Variants in TUBGCP4 observed in about 807,000 individuals in gnomAD.
TUBGCP4 encodes the protein tubulin gamma complex component 4.
Under a neutral mutation model 91.6 loss-of-function variants are expected in TUBGCP4, and 54 were observed. That is an observed-to-expected ratio of 0.59 (90% CI 0.47 to 0.74). TUBGCP4 has a LOEUF of 0.74. TUBGCP4 is among the 30% of genes least tolerant of loss of function. The pLI is 0.00. For synonymous variants in TUBGCP4, 297 were observed against 302.8 expected (o/e 0.98, Z 0.20); for missense variants, 593 against 800.9 (o/e 0.74, Z 3.13).
chr15:43,400,111 G>C lies in TUBGCP4; in HGVS notation c.1486G>C (p.Ala496Pro). 1 of 1,614,182 alleles carries C rather than the reference G, an allele frequency of 6.2e-7. No individual in the cohort carries two copies. Among genetic ancestry groups the C allele is most frequent in the Non-Finnish European group, 8.5e-7 (1 of 1,180,028 alleles). Residue 496 changes from alanine (A) to proline (P), a missense_variant, in exon 14 of 18, where the codon GCC becomes CCC. Physicochemically the swap from Ala to Pro is conservative, Grantham distance 27. Coordinates refer to ENST00000564079, the MANE Select transcript of TUBGCP4 (RefSeq NM_014444.5). ...GCAAGCTGAGCTGCAGCACTGCTGG[G>C]CCCTACAAATGCAGCGCAAGCACCT... ...RVQAELQHCW[A>P]LQMQRKHLKS...
In TUBGCP4 at chr15:43,404,572, A is replaced by G. The variant is rs753184705; in HGVS notation, c.1988+20A>G. On this transcript the variant is annotated intron_variant, in intron 17 of 17. Coordinates refer to ENST00000564079, the MANE Select transcript of TUBGCP4 (RefSeq NM_014444.5). ...GGGCAGGTAGGAGCAACCCTTGGGT[A>G]ACTCAGTAGACTTTTTAAGGTGGCT... 20 of 1,611,700 alleles carry G rather than the reference A, an allele frequency of 1.2e-5. No homozygotes were observed. Among genetic ancestry groups the G allele is most frequent in the Non-Finnish European group, 1.6e-5 (19 of 1,179,036 alleles).
Position 43,386,295 on chromosome 15 carries a change from C to G in TUBGCP4, c.979C>G (p.Gln327Glu). The G allele has an allele frequency of 6.4e-7, 1 of 1,566,632 alleles. No homozygotes were observed. Among genetic ancestry groups the G allele is most frequent in the East Asian group, 2.4e-5 (1 of 42,190 alleles). Residue 327 changes from glutamine to glutamate, a missense_variant, in exon 9 of 18, where the codon CAG becomes GAG. Transcript: ENST00000564079. The stretch of plus-strand genomic sequence containing the variant: ...ACTCTTCAGCTTGGTGGACTTTGAA[C>G]AGGTGGTGGATCGCATTCGCAGCAC... ...QPLFSLVDFE[Q>E]VVDRIRSTVA...
rs2044502782 is a variant in TUBGCP4, at chr15:43,392,948, C to T, written c.1015-2159C>T. 2.6e-5 allele frequency among the ~76,000 whole-genome samples: 4 copies of T among 152,102 alleles called. No individual in the cohort carries two copies. The South Asian group carries it at 8.3e-4, about 32-fold the overall frequency. ...TCCCACTCTTCCTACCCTGACAGTC[C>T]CCAAGCAGCCACTGATCTGATCTAC... On this transcript the variant is annotated intron_variant, in intron 9 of 17. Coordinates refer to ENST00000564079, the MANE Select transcript of TUBGCP4 (RefSeq NM_014444.5).
rs771023981 is a variant in TUBGCP4, at chr15:43,403,784, G to A, written c.1833G>A (p.Leu611=). The A allele has an allele frequency of 2.5e-6, 4 of 1,613,736 alleles. No homozygotes were observed. The South Asian group carries it at 3.3e-5, about 13-fold the overall frequency. Residue 611 remains leucine, a synonymous_variant, in exon 16 of 18, where the codon CTG becomes CTA. Coordinates refer to ENST00000564079, the MANE Select transcript of TUBGCP4 (RefSeq NM_014444.5). The part of the protein sequence containing the change: ...GPLDERGAAQ[L]SILVKGFSRQ... ...TGGATGAGCGTGGAGCCGCCCAGCT[G>A]AGCATTCTCGTGAAGGTGCGTCTGC...
At chr15:43,374,362 A>G (rs1405013021) in intron 1 of TUBGCP4, among the ~76,000 whole-genome samples, 1 of 152,172 alleles carries the variant, frequency 6.6e-6, no homozygotes, top group Non-Finnish European at 1.5e-5. Flanking sequence ...TGATCTCAGC[A>G]CTTTGGGAGG....
At chr15:43,402,503 T>G (rs957173751) in intron 15 of TUBGCP4, 3 of 152,320 alleles carry the variant, frequency 2.0e-5, no homozygotes, top group African/African-American at 7.2e-5. Flanking sequence ...CTTAGAAATC[T>G]TTTGGACCAG....
chr15:43,407,744 G>C lies in TUBGCP4; in HGVS notation c.*2530G>C. On this transcript the variant is annotated 3_prime_UTR_variant, in exon 18 of 18. Transcript: ENST00000564079. ...GGCAGAGTTATAATCACTATGTGCT[G>C]ACCTTGTAGAAATATTTAACAAATA... 1.3e-6 allele frequency: 1 copy of C among 776,838 alleles called. No individual in the cohort carries two copies. Among genetic ancestry groups the C allele is most frequent in the Non-Finnish European group, 2.0e-6 (1 of 494,318 alleles). 48.1% of individuals were successfully genotyped at this position (776,838 alleles called of 1,614,324 possible). A position where few individuals can be genotyped will look rare whatever the true frequency, so the allele number is the denominator to read the frequency against.
At position 43,405,340 on chromosome 15, in the gene TUBGCP4, C is replaced by G; in HGVS notation, c.*126C>G. 9.3e-7 allele frequency: 1 copy of G among 1,070,932 alleles called. No homozygotes were observed. The highest frequency in any genetic ancestry group is 1.4e-5 in the South Asian group (1 of 71,706). The allele number at this position is 1,070,932 out of a possible 1,614,324, so 66.3% of individuals were successfully genotyped here. Reference sequence around the variant, plus strand: ...GCTTAGTGATAGGACTCTACCTTTTCTCCTAGAAGCAGTTACTGAACATCC... The same window carrying G: ...GCTTAGTGATAGGACTCTACCTTTTGTCCTAGAAGCAGTTACTGAACATCC... On this transcript the variant is annotated 3_prime_UTR_variant, in exon 18 of 18. Transcript: ENST00000564079.
chr15:43,387,157 G>A (rs2044388703), intron 9 of TUBGCP4, among the ~76,000 whole-genome samples: 1 of 152,204 alleles, frequency 6.6e-6, no homozygotes, highest in Admixed American at 6.5e-5. Context: ...TATAAATGAA[G>A]CAAACACTCA....
At chr15:43,382,880 G>A (rs1299865943) in intron 6 of TUBGCP4, among the ~76,000 whole-genome samples, 4 of 152,090 alleles carry the variant, frequency 2.6e-5, no homozygotes, top group Non-Finnish European at 4.4e-5. Context: ...TGGCACTCAC[G>A]TATTGAATAT....
At chr15:43,401,330 A>G (rs1186588592) in intron 14 of TUBGCP4, among the ~76,000 whole-genome samples, 1 of 152,020 alleles carries the variant, frequency 6.6e-6, no homozygotes, top group Non-Finnish European at 1.5e-5. Context: ...GGGCACCTGT[A>G]ATCTTAGCTA....
intron 9 of TUBGCP4, among the ~76,000 whole-genome samples, chr15:43,387,565 G>A (rs948721228): frequency 2.0e-5 from 3 of 151,472 alleles, no homozygotes; most frequent in South Asian, 4.2e-4. Context: ...GGGTTCAAGC[G>A]ATTCTCCCGC....
rs903198388 is a variant in TUBGCP4, at chr15:43,409,610, T to C, written c.*4396T>C. 8.5e-7 allele frequency: 1 copy of C among 1,176,902 alleles called. No homozygotes were observed. 72.9% of individuals were successfully genotyped at this position (1,176,902 alleles called of 1,614,324 possible). A position where few individuals can be genotyped will look rare whatever the true frequency, so the allele number is the denominator to read the frequency against. ...CAACACAGCAAGTTGGCTCTTATCA[T>C]TGCCACTATATTAGGTTACACAAAG... is the stretch of plus-strand genomic sequence containing the variant. On this transcript the variant is annotated 3_prime_UTR_variant, in exon 18 of 18. Coordinates refer to ENST00000564079, the MANE Select transcript of TUBGCP4 (RefSeq NM_014444.5).
intron 7 of TUBGCP4, 157 bp from the exon 8 acceptor site, chr15:43,385,634 T>G: frequency 1.4e-6 from 1 of 690,642 alleles, no homozygotes; most frequent in Non-Finnish European, 2.4e-6. Flanking sequence ...ATGAAATACA[T>G]CTCTCCAAAA....
chr15:43,393,511 A>G (rs1003944365), intron 9 of TUBGCP4, among the ~76,000 whole-genome samples: 36 of 151,910 alleles, frequency 2.4e-4, no homozygotes, highest in African/African-American at 8.5e-4. Context: ...TTTGTTACAT[A>G]TGTATACATG....
At chr15:43,386,016 G>T in intron 8 of TUBGCP4, 60 bp downstream of exon 8, 1 of 1,591,740 alleles carries the variant, frequency 6.3e-7, no homozygotes. Context: ...TTAATACTAT[G>T]TGGCCCCACA....
At chr15:43,377,957 A>C in intron 5 of TUBGCP4, 54 bp downstream of exon 5, 6 of 1,374,942 alleles carry the variant, frequency 4.4e-6, no homozygotes, top group Non-Finnish European at 6.0e-6. Flanking sequence ...GAATATTACT[A>C]ATTAATTTTG....
At chr15:43,394,542 A>G (rs2044547559) in intron 9 of TUBGCP4, 1 of 152,168 alleles carries the variant, frequency 6.6e-6, no homozygotes, top group African/African-American at 2.4e-5. Context: ...TTCTTCCAGA[A>G]ATTTTATAGT....
At chr15:43,394,452 T>G (rs1053829076) in intron 9 of TUBGCP4, 1 of 152,196 alleles carries the variant, frequency 6.6e-6, no homozygotes, top group African/African-American at 2.4e-5. Flanking sequence ...ACCTTTTGTT[T>G]TTCTTTTATG....
Sources: allele counts gnomAD v4.1 joint callset (sites outside exome capture counted in the v4.1 genomes callset), GRCh38; gene constraint gnomAD v4.1.1; transcripts MANE v1.5; gene names NCBI Gene and HGNC (gene_info 2026-07-23, HGNC 2026-07-21).